The following HFM1 variants were observed in gnomAD, a reference collection of about 807,000 sequenced individuals.
HFM1 encodes the protein probable ATP-dependent DNA helicase HFM1.
Under a neutral mutation model 192.1 loss-of-function variants are expected in HFM1, and 169 were observed. The ratio of observed to expected loss-of-function variants is 0.88; its 90% confidence interval spans 0.78 to 1.00. The LOEUF (loss-of-function observed/expected upper bound fraction) is 1.00, where lower values mean the gene tolerates loss of function less well. Among genes scored for constraint, HFM1 ranks in the 50% least tolerant of loss-of-function variants. HFM1 has a pLI of 0.00. For synonymous variants in HFM1, 525 were observed against 537.8 expected, an observed-to-expected ratio of 0.98 and a Z score of 0.33; for missense variants, 1,661 against 1,668.0, an observed-to-expected ratio of 1.00 and a Z score of 0.07.
At chr1:91,339,339 A>C (rs1229931648) in intron 20 of HFM1, among the ~76,000 whole-genome samples, 1 of 152,048 alleles carries the variant, frequency 6.6e-6, no homozygotes, top group African/African-American at 2.4e-5. Context: ...TCTGGATGGC[A>C]ATGAAGATCA....
chr1:91,390,458 AAAGG>A (rs200104115), intron 4 of HFM1, among the ~76,000 whole-genome samples: 2,081 of 151,094 alleles, frequency 0.014, 112 homozygotes, highest in Admixed American at 0.091. Flanking sequence ...AGAGAGAAAG[AAAGG>A]AAGGAAGGAA....
chr1:91,267,279 TAACTTA>T (rs1024590091), intron 35 of HFM1, among the ~76,000 whole-genome samples: 2 of 152,230 alleles, frequency 1.3e-5, no homozygotes, highest in African/African-American at 4.8e-5. Flanking sequence ...ATTTATGTAT[TAACTTA>T]TTTATTTACT....
At chr1:91,356,828 T>C (rs1335234988) in intron 13 of HFM1, among the ~76,000 whole-genome samples, 1 of 152,058 alleles carries the variant, frequency 6.6e-6, no homozygotes, top group Non-Finnish European at 1.5e-5. Flanking sequence ...CAATTATATA[T>C]TAATACTAAC....
At chr1:91,339,692 GGA>G (rs1328212922) in intron 20 of HFM1, among the ~76,000 whole-genome samples, 2 of 151,102 alleles carry the variant, frequency 1.3e-5, no homozygotes, top group Admixed American at 6.6e-5. Flanking sequence ...TGAAAGAGAG[GGA>G]GAGAGAGAGA....
At chr1:91,288,093 G>C (rs1438071691) in intron 30 of HFM1, among the ~76,000 whole-genome samples, 1 of 151,318 alleles carries the variant, frequency 6.6e-6, no homozygotes, top group Non-Finnish European at 1.5e-5. Flanking sequence ...CACTCTGCAG[G>C]ATATTATCCA....
Position 91,394,243 on chromosome 1 carries a change from G to C in HFM1, c.344C>G (p.Ser115Ter). Residue 115 changes from serine to a stop codon, truncating the protein, a stop_gained, in exon 4 of 39, where the codon TCA becomes TGA. Coordinates refer to ENST00000370425, the MANE Select transcript of HFM1 (RefSeq NM_001017975.6). LOFTEE classifies it high-confidence loss of function. Reference protein sequence around the residue: ...NLEGVGNNDLSHIAGKLTYAS... With the variant: ...NLEGVGNNDL ...ATATGTCAGCTTGCCAGCAATATGT[G>C]ATAAGTCATTATTACCTACCCCTTC... 1 of 1,599,342 alleles carries C rather than the reference G, an allele frequency of 6.3e-7. No homozygotes were observed. The highest frequency in any genetic ancestry group is 1.1e-5 in the South Asian group (1 of 90,804).
rs1666521565 is a variant in HFM1 at position 91,273,611 on chromosome 1, T to C, written c.3772+101A>G. 6 of 595,352 alleles carry C rather than the reference T, an allele frequency of 1.0e-5. No homozygotes were observed. In the South Asian group the frequency reaches 1.2e-4, roughly 12 times the overall value. 36.9% of individuals were successfully genotyped at this position (595,352 alleles called of 1,614,324 possible). The stretch of plus-strand genomic sequence containing the variant: ...GAGAAAAATGTTGCCAAGTTAATAA[T>C]CATAACAATTTCAGATGCCGGTGTT... On this transcript the variant is annotated intron_variant, in intron 34 of 38. Coordinates refer to ENST00000370425, the MANE Select transcript of HFM1 (RefSeq NM_001017975.6).
intron 3 of HFM1, among the ~76,000 whole-genome samples, chr1:91,394,678 A>C (rs909269102): frequency 2.0e-5 from 3 of 152,128 alleles, no homozygotes; most frequent in African/African-American, 7.2e-5. Context: ...AAATAGATTT[A>C]ATTTCTTTCT....
intron 4 of HFM1, among the ~76,000 whole-genome samples, chr1:91,391,283 C>T (rs927278725): frequency 9.9e-5 from 15 of 152,196 alleles, no homozygotes; most frequent in African/African-American, 3.4e-4. Flanking sequence ...AAACAGAGCC[C>T]GCATTGCCAA....
At chr1:91,300,358 A>T (rs1648522149) in intron 30 of HFM1, among the ~76,000 whole-genome samples, 1 of 152,226 alleles carries the variant, frequency 6.6e-6, no homozygotes, top group Non-Finnish European at 1.5e-5. Flanking sequence ...CAGAGGTACA[A>T]GGAGGAGCTG....
intron 23 of HFM1, 107 bp from the exon 24 acceptor site, chr1:91,319,497 A>AT (rs755075767): frequency 4.9e-5 from 33 of 671,728 alleles, no homozygotes; most frequent in Non-Finnish European, 7.9e-5. Flanking sequence ...CTCTGCCTTA[A>AT]TTTCTGCAAT....
At chr1:91,291,162 A>G (rs1423633843) in intron 30 of HFM1, among the ~76,000 whole-genome samples, 1 of 152,232 alleles carries the variant, frequency 6.6e-6, no homozygotes, top group East Asian at 1.9e-4. Flanking sequence ...AAGAGCAAAC[A>G]CATTCAAAAG....
At chr1:91,348,139 C>T (rs1656389416) in intron 18 of HFM1, among the ~76,000 whole-genome samples, 1 of 152,006 alleles carries the variant, frequency 6.6e-6, no homozygotes, top group Non-Finnish European at 1.5e-5. Context: ...TGTGTATAAA[C>T]ACATATATAA....
intron 36 of HFM1, among the ~76,000 whole-genome samples, chr1:91,265,696 C>T (rs1232354257): frequency 6.6e-6 from 1 of 152,202 alleles, no homozygotes; most frequent in African/African-American, 2.4e-5. Flanking sequence ...CTATCTGCCT[C>T]TGTTCTAGTT....
chr1:91,290,751 T>C (rs1171375528), intron 30 of HFM1, among the ~76,000 whole-genome samples: 5 of 151,952 alleles, frequency 3.3e-5, no homozygotes, highest in Non-Finnish European at 4.4e-5. Flanking sequence ...AATATACATT[T>C]TTTTCAGCAC....
intron 36 of HFM1, 63 bp from the exon 37 acceptor site, chr1:91,262,655 T>C (rs1665279947): frequency 1.0e-6 from 1 of 967,318 alleles, no homozygotes; most frequent in African/African-American, 1.7e-5. Flanking sequence ...TTAATTTGGA[T>C]CATAATGATT....
At chr1:91,395,116 A>G (rs1260358725) in intron 3 of HFM1, among the ~76,000 whole-genome samples, 2 of 152,124 alleles carry the variant, frequency 1.3e-5, no homozygotes, top group African/African-American at 2.4e-5. Context: ...AATTTTACTA[A>G]TATTACATTA....
At chr1:91,388,340 C>A (rs777542158) in intron 4 of HFM1, among the ~76,000 whole-genome samples, 6 of 152,120 alleles carry the variant, frequency 3.9e-5, no homozygotes, top group Non-Finnish European at 7.4e-5. Flanking sequence ...GAGCCTTCAA[C>A]CTGTGGGGTC....
intron 19 of HFM1, among the ~76,000 whole-genome samples, chr1:91,344,226 T>C (rs2101657207): frequency 6.6e-6 from 1 of 152,340 alleles, no homozygotes; most frequent in Non-Finnish European, 1.5e-5. Context: ...CCTCATGCTA[T>C]AGTCCAGGAG....
Sources: gnomAD v4.1 joint callset for allele counts (sites outside exome capture counted in the v4.1 genomes callset) on GRCh38, gnomAD v4.1.1 for gene constraint, MANE v1.5 for transcripts, NCBI Gene and HGNC (gene_info 2026-07-23, HGNC 2026-07-21) for gene names.